IMPA2: variants seen among roughly 807,000 people sequenced by gnomAD.
The protein encoded by IMPA2 is IMP 2.
A neutral mutation model predicts 35.1 loss-of-function variants in IMPA2; 32 were observed. That is an observed-to-expected ratio of 0.91 (90% confidence interval 0.69 to 1.23). IMPA2 has a LOEUF of 1.23. IMPA2 is among the 50% of genes most tolerant of loss of function. The probability of loss-of-function intolerance (pLI) is 0.00; values close to 1 mark genes in which losing one functional copy is unlikely to be tolerated. For synonymous variants in IMPA2, 135 were observed against 160.6 expected, an observed-to-expected ratio of 0.84 and a Z score of 1.20; for missense variants, 334 against 387.6, an observed-to-expected ratio of 0.86 and a Z score of 1.16.
chr18:11,984,231 C>A (rs980068359), intron 1 of IMPA2, among the ~76,000 whole-genome samples: 1 of 152,232 alleles, frequency 6.6e-6, no homozygotes, highest in African/African-American at 2.4e-5. Flanking sequence ...CTCCCAATTC[C>A]CTCACCTGCC....
At chr18:11,990,167 G>C (rs1906774292) in intron 1 of IMPA2, among the ~76,000 whole-genome samples, 2 of 152,156 alleles carry the variant, frequency 1.3e-5, no homozygotes, top group Admixed American at 6.5e-5. Flanking sequence ...CTCTGCCCTA[G>C]CCTGCCATGA....
Position 12,012,150 on chromosome 18 carries a change from C to T in IMPA2, c.336-20C>T. ...GCCGCTCTTGTTCCAGAGAGTAAAC[C>T]TTTCTATTTTCCTTTGCAGATTCCC... On this transcript the variant is annotated intron_variant, in intron 3 of 7. Transcript: ENST00000269159. 6.2e-7 allele frequency: 1 copy of T among 1,613,680 alleles called. No homozygotes were observed. The highest frequency in any genetic ancestry group is 2.2e-5 in the East Asian group (1 of 44,878).
At chr18:11,998,481 C>T (rs1205917217) in intron 1 of IMPA2, among the ~76,000 whole-genome samples, 1 of 152,194 alleles carries the variant, frequency 6.6e-6, no homozygotes, top group Non-Finnish European at 1.5e-5. Flanking sequence ...GCCATGGTTC[C>T]TGAAACACAG....
chr18:12,004,634 G>A (rs997607575), intron 2 of IMPA2, among the ~76,000 whole-genome samples: 7 of 151,618 alleles, frequency 4.6e-5, no homozygotes, highest in African/African-American at 1.7e-4. Context: ...GGGTTCAAGC[G>A]ATTCTCCTGC....
chr18:12,000,789 G>A (rs1361581780), intron 2 of IMPA2, among the ~76,000 whole-genome samples: 1 of 150,882 alleles, frequency 6.6e-6, no homozygotes, highest in Non-Finnish European at 1.5e-5. Flanking sequence ...CTAATTTTTT[G>A]TATTTTTAGT....
intron 2 of IMPA2, among the ~76,000 whole-genome samples, chr18:12,002,890 C>G (rs909885927): frequency 2.0e-5 from 3 of 151,294 alleles, no homozygotes; most frequent in Admixed American, 2.0e-4. Flanking sequence ...GAGACCCTGC[C>G]TCAAAACAAA....
At position 11,981,886 on chromosome 18, in the gene IMPA2, G is replaced by C. The variant is rs924299238; in HGVS notation, c.96+121G>C. 18 of 535,216 alleles carry C rather than the reference G, an allele frequency of 3.4e-5. No individual in the cohort carries two copies. In the African/African-American group the frequency reaches 3.5e-4, roughly 11 times the overall value. The allele number at this position is 535,216 out of a possible 1,614,324, so 33.2% of individuals were successfully genotyped here. ...CGGGCGCCCAGGGTCCGCACCCGAG[G>C]GCGCGGGGCGCGGAGCGGTGAAAGG... is the stretch of plus-strand genomic sequence containing the variant. On this transcript the variant is annotated intron_variant, in intron 1 of 7. Coordinates refer to ENST00000269159, the MANE Select transcript of IMPA2 (RefSeq NM_014214.3).
At chr18:11,986,599 G>C (rs1337842266) in intron 1 of IMPA2, among the ~76,000 whole-genome samples, 1 of 152,180 alleles carries the variant, frequency 6.6e-6, no homozygotes, top group Non-Finnish European at 1.5e-5. Context: ...ACACAGTATT[G>C]TTTTGATTTG....
chr18:11,981,893 G>A, intron 1 of IMPA2, 128 bp downstream of exon 1: 1 of 510,538 alleles, frequency 2.0e-6, no homozygotes, highest in Non-Finnish European at 3.0e-6. Context: ...GAGGGCGCGG[G>A]GCGCGGAGCG....
chr18:11,994,585 A>AT (rs1491288509), intron 1 of IMPA2, among the ~76,000 whole-genome samples: 1 of 152,232 alleles, frequency 6.6e-6, no homozygotes, highest in Non-Finnish European at 1.5e-5. Context: ...GAGTGTATAA[A>AT]TACCAGTGAG....
intron 1 of IMPA2, among the ~76,000 whole-genome samples, chr18:11,997,500 A>G (rs1432075209): frequency 6.6e-6 from 1 of 152,162 alleles, no homozygotes; most frequent in African/African-American, 2.4e-5. Context: ...TTTGCAACCA[A>G]GATTAAAACA....
rs778328433 is a variant in IMPA2, at chr18:12,028,101, G to A, written c.549G>A (p.Leu183=). Residue 183 remains leucine, a synonymous_variant, in exon 6 of 8, where the codon CTG becomes CTA. Transcript: ENST00000269159. ...EIGPKRDPAT[L]KLFLSNMERL... is the part of the protein sequence containing the mutation. The stretch of plus-strand genomic sequence containing the variant: ...GCCCCAAACGTGACCCTGCGACCCT[G>A]AAGCTGTTCCTGAGTAACATGGAGC... The A allele has an allele frequency of 1.2e-6, 2 of 1,614,056 alleles. No individual in the cohort carries two copies. Among genetic ancestry groups the A allele is most frequent in the Non-Finnish European group, 1.7e-6 (2 of 1,180,014 alleles).
At chr18:11,999,259 G>C in intron 2 of IMPA2, 72 bp downstream of exon 2, 2 of 1,462,900 alleles carry the variant, frequency 1.4e-6, no homozygotes, top group Non-Finnish European at 1.9e-6. Flanking sequence ...GGTCTGCCGG[G>C]GTCAGGGGGC....
rs528713304 is a variant in IMPA2, at chr18:11,998,028, G to C, written c.97-1026G>C. ...TCAAAAAATAAAAAATGAGCTGGGTGCAGTACCATGTGCCTGTAGTCCTAG... is the reference window on the plus strand; with the variant it reads ...TCAAAAAATAAAAAATGAGCTGGGTCCAGTACCATGTGCCTGTAGTCCTAG... On this transcript the variant is annotated intron_variant, in intron 1 of 7. Transcript: ENST00000269159. Among the ~76,000 whole-genome samples the C allele has an allele frequency of 7.9e-5, 12 of 152,302 alleles. No homozygotes were observed. The South Asian group carries it at 2.5e-3, about 32-fold the overall frequency.
chr18:11,982,186 C>T (rs1324697063), intron 1 of IMPA2, among the ~76,000 whole-genome samples: 1 of 152,192 alleles, frequency 6.6e-6, no homozygotes, highest in Non-Finnish European at 1.5e-5. Flanking sequence ...CTGGCTGCAG[C>T]ATCCTCAACC....
At chr18:12,001,993 T>C (rs927401746) in intron 2 of IMPA2, among the ~76,000 whole-genome samples, 2 of 152,200 alleles carry the variant, frequency 1.3e-5, no homozygotes, top group African/African-American at 2.4e-5. Context: ...GCTGTTCTCT[T>C]CTCTGCTCAG....
At position 12,012,354 on chromosome 18, in the gene IMPA2, G is replaced by T. The variant is rs753519773; in HGVS notation, c.381+139G>T. 4.7e-5 allele frequency: 35 copies of T among 739,734 alleles called. 1 individual carries two copies. In the Middle Eastern group the frequency reaches 3.4e-3, roughly 71 times the overall value. The allele number at this position is 739,734 out of a possible 1,614,324, so 45.8% of individuals were successfully genotyped here. On this transcript the variant is annotated intron_variant, in intron 4 of 7. Transcript: ENST00000269159. ...ATGACTGGCAAATCCAAGCCTGTGG[G>T]TTTCAAATCCGAGAAAATAAACAAG...
In IMPA2 at chr18:12,009,835, AT is replaced by A. The variant is rs770427224; in HGVS notation, c.231-46del. The A allele has an allele frequency of 1.5e-5, 22 of 1,438,728 alleles. No individual in the cohort carries two copies. In the East Asian group the frequency reaches 5.0e-4, roughly 33 times the overall value. 89.1% of individuals were successfully genotyped at this position (1,438,728 alleles called of 1,614,324 possible). A position where few individuals can be genotyped will look rare whatever the true frequency, so the allele number is the denominator to read the frequency against. The stretch of plus-strand genomic sequence containing the variant: ...GACTGGAAGCAATTTCAGGCACGTT[AT>A]TCTGTGTCCTTGGTGCATTTTCTCA... On this transcript the variant is annotated intron_variant, in intron 2 of 7. Transcript: ENST00000269159.
chr18:12,005,377 C>T (rs1340068958), intron 2 of IMPA2, among the ~76,000 whole-genome samples: 2 of 152,070 alleles, frequency 1.3e-5, no homozygotes, highest in African/African-American at 4.8e-5. Flanking sequence ...CCCAGCTACT[C>T]AGGAGGCTGA....
Sources: allele counts gnomAD v4.1 joint callset (sites outside exome capture counted in the v4.1 genomes callset), GRCh38; gene constraint gnomAD v4.1.1; transcripts MANE v1.5; gene names NCBI Gene and HGNC (gene_info 2026-07-23, HGNC 2026-07-21).